EFR3A: variants seen among roughly 807,000 people sequenced by gnomAD.
EFR3A encodes protein EFR3 homolog A.
Under a neutral mutation model 104.4 loss-of-function variants are expected in EFR3A, and 76 were observed. That is an observed-to-expected ratio of 0.73 (90% CI 0.60 to 0.88). The LOEUF (loss-of-function observed/expected upper bound fraction) is 0.88. EFR3A is among the 40% of genes least tolerant of loss of function. The probability of loss-of-function intolerance (pLI) is 0.00; values close to 1 mark genes in which losing one functional copy is unlikely to be tolerated. For missense variants in EFR3A, 985 were observed against 1,012.5 expected (o/e 0.97, Z 0.37); for synonymous variants, 330 against 330.0 (o/e 1.00, Z 0.00).
intron 8 of EFR3A, among the ~76,000 whole-genome samples, chr8:131,967,028 C>G (rs188977989): frequency 2.6e-5 from 4 of 152,044 alleles, no homozygotes; most frequent in Non-Finnish European, 2.9e-5. Flanking sequence ...TGCAGTGTCC[C>G]CATTTGGACA....
At chr8:131,912,401 T>C (rs1225338681) in intron 1 of EFR3A, among the ~76,000 whole-genome samples, 2 of 152,198 alleles carry the variant, frequency 1.3e-5, no homozygotes, top group Non-Finnish European at 1.5e-5. Flanking sequence ...AGCAAAATAC[T>C]ATGAATCCTA....
intron 1 of EFR3A, among the ~76,000 whole-genome samples, chr8:131,929,512 A>G (rs951756411): frequency 2.6e-5 from 4 of 152,136 alleles, no homozygotes; most frequent in African/African-American, 9.7e-5. Flanking sequence ...TTGTTATCCC[A>G]TTAGCTATTA....
chr8:132,010,944 G>GA lies in EFR3A; in HGVS notation c.*49_*50insA. On this transcript the variant is annotated 3_prime_UTR_variant, in exon 23 of 23. Transcript: ENST00000254624. ...ATGATTTGTAAAGCCTAAAAATTAA[G>GA]GCCAAGCTGAGCTTTCAGGGTTTAC... 1 of 1,518,230 alleles carries GA rather than the reference G, an allele frequency of 6.6e-7. No homozygotes were observed. Among genetic ancestry groups the GA allele is most frequent in the Non-Finnish European group, 9.0e-7 (1 of 1,115,484 alleles). 94.0% of individuals were successfully genotyped at this position (1,518,230 alleles called of 1,614,324 possible).
intron 4 of EFR3A, among the ~76,000 whole-genome samples, chr8:131,947,899 A>G (rs897794829): frequency 6.6e-6 from 1 of 152,106 alleles, no homozygotes; most frequent in Non-Finnish European, 1.5e-5. Flanking sequence ...CTGCTTCTGA[A>G]CTATTTCTGC....
intron 1 of EFR3A, among the ~76,000 whole-genome samples, chr8:131,931,263 A>G (rs1325973424): frequency 1.3e-5 from 2 of 152,172 alleles, no homozygotes; most frequent in African/African-American, 4.8e-5. Flanking sequence ...CTTTGATTGT[A>G]TTTATTCCAA....
At chr8:131,967,528 G>T (rs1819802838) in intron 8 of EFR3A, among the ~76,000 whole-genome samples, 1 of 151,360 alleles carries the variant, frequency 6.6e-6, no homozygotes, top group Non-Finnish European at 1.5e-5. Flanking sequence ...GTGACTCATG[G>T]GTGTAAGTGT....
chr8:131,909,483 C>T, intron 1 of EFR3A, among the ~76,000 whole-genome samples: 1 of 152,038 alleles, frequency 6.6e-6, no homozygotes, highest in Non-Finnish European at 1.5e-5. Flanking sequence ...GAGGCTGAGG[C>T]TGCAGTGAGC....
intron 18 of EFR3A, among the ~76,000 whole-genome samples, chr8:131,991,379 A>G (rs1465414907): frequency 1.3e-5 from 2 of 151,884 alleles, no homozygotes; most frequent in African/African-American, 4.9e-5. Flanking sequence ...AGAAGGAAAG[A>G]AGTACATATT....
At chr8:131,947,182 T>G (rs1035168810) in intron 4 of EFR3A, among the ~76,000 whole-genome samples, 1 of 152,036 alleles carries the variant, frequency 6.6e-6, no homozygotes, top group East Asian at 1.9e-4. Context: ...TCAGTACTTG[T>G]TATTGTCTAT....
At chr8:131,950,114 T>G (rs1483901598) in intron 5 of EFR3A, 24 bp downstream of exon 5, 2 of 1,571,124 alleles carry the variant, frequency 1.3e-6, no homozygotes, top group Non-Finnish European at 1.7e-6. Flanking sequence ...TACTTTATGA[T>G]CTATAGTAAG....
intron 16 of EFR3A, among the ~76,000 whole-genome samples, chr8:131,985,315 A>G (rs1396600073): frequency 6.6e-6 from 1 of 152,182 alleles, no homozygotes; most frequent in Non-Finnish European, 1.5e-5. Context: ...AGAATACCTT[A>G]TGTGATTTAT....
At chr8:131,944,146 A>G (rs926791627) in intron 2 of EFR3A, among the ~76,000 whole-genome samples, 8 of 152,226 alleles carry the variant, frequency 5.3e-5, no homozygotes, top group African/African-American at 1.4e-4. Flanking sequence ...TTACGTGGTA[A>G]CTGGGGAGAA....
At chr8:131,932,750 A>G (rs1159370050) in intron 1 of EFR3A, among the ~76,000 whole-genome samples, 1 of 152,082 alleles carries the variant, frequency 6.6e-6, no homozygotes, top group Admixed American at 6.6e-5. Flanking sequence ...TTTCCCTACA[A>G]ATATAGGGAA....
At chr8:131,920,790 C>T (rs1242003667) in intron 1 of EFR3A, among the ~76,000 whole-genome samples, 2 of 151,722 alleles carry the variant, frequency 1.3e-5, no homozygotes, top group African/African-American at 2.4e-5. Context: ...CCATGCTTCT[C>T]GTTGTATGGT....
At chr8:131,930,517 G>A (rs1357802895) in intron 1 of EFR3A, among the ~76,000 whole-genome samples, 4 of 143,672 alleles carry the variant, frequency 2.8e-5, no homozygotes, top group Non-Finnish European at 4.7e-5. Context: ...TTAGAAAAAC[G>A]TGGAAAATTT....
At chr8:131,993,265 C>G (rs891215213) in intron 18 of EFR3A, among the ~76,000 whole-genome samples, 1 of 152,126 alleles carries the variant, frequency 6.6e-6, no homozygotes, top group Non-Finnish European at 1.5e-5. Context: ...ATTTATTGCT[C>G]AGACTCGCTG....
Position 131,946,632 on chromosome 8 carries a change from C to A in EFR3A, c.365C>A (p.Ser122Tyr). The change falls in exon 4 of 23, where the codon TCT (serine) becomes TAT (tyrosine). Residue 122 changes from serine to tyrosine, a missense_variant and splice_region_variant. Transcript: ENST00000254624. ...EPKLQVLGTN[S>Y]FVKFANIEED... is the part of the protein sequence containing the mutation. ...AAGCTTCAAGTTCTTGGAACAAATT[C>A]TGTGAGTAAAACTATTCTGTTACTA... 1 of 1,592,314 alleles carries A rather than the reference C, an allele frequency of 6.3e-7. No individual in the cohort carries two copies. The highest frequency in any genetic ancestry group is 1.1e-5 in the South Asian group (1 of 86,976).
chr8:131,946,337 A>G (rs1818439659), intron 3 of EFR3A, 146 bp from the exon 4 acceptor site: 3 of 660,750 alleles, frequency 4.5e-6, no homozygotes. Context: ...CTGTGTGAGA[A>G]TTAAGATTTT....
chr8:131,944,287 T>G (rs9297835), intron 2 of EFR3A, among the ~76,000 whole-genome samples: 1 of 152,098 alleles, frequency 6.6e-6, no homozygotes, highest in Non-Finnish European at 1.5e-5. Flanking sequence ...CTGAATACTT[T>G]CTTGTTTATT....
Sources: allele counts gnomAD v4.1 joint callset (sites outside exome capture counted in the v4.1 genomes callset), GRCh38; gene constraint gnomAD v4.1.1; transcripts MANE v1.5; gene names NCBI Gene and HGNC (gene_info 2026-07-23, HGNC 2026-07-21).